SLC9D1: variants seen among roughly 807,000 people sequenced by gnomAD.
SLC9D1 encodes the protein putative LAG1-interacting protein.
the SLC9D1 span, chr13:113,510,087 G>A: frequency 2.9e-6 from 2 of 693,100 alleles, no homozygotes; most frequent in African/African-American, 3.5e-5. Flanking sequence ...CCTGTGTGAG[G>A]ATTCACCATG....
the SLC9D1 span, among the ~76,000 whole-genome samples, chr13:113,521,099 G>T: frequency 2.6e-5 from 4 of 152,130 alleles, no homozygotes; most frequent in African/African-American, 7.2e-5. Context: ...ATGTGTATGT[G>T]TGCACGGGGA....
chr13:113,537,572 G>A, the SLC9D1 span, among the ~76,000 whole-genome samples: 1 of 152,182 alleles, frequency 6.6e-6, no homozygotes, highest in Non-Finnish European at 1.5e-5. Context: ...CTCTCTTAAC[G>A]GTGTCTTTTG....
At chr13:113,534,040 C>G in the SLC9D1 span, 1 of 1,578,432 alleles carries the variant, frequency 6.3e-7, no homozygotes, top group Non-Finnish European at 8.6e-7. Context: ...TTTTTTCTTT[C>G]CCAGCATTGT....
chr13:113,537,697 A>C, the SLC9D1 span, among the ~76,000 whole-genome samples: 1 of 152,078 alleles, frequency 6.6e-6, no homozygotes, highest in South Asian at 2.1e-4. Context: ...GATGCTCTTT[A>C]CTGTTGTCAG....
At chr13:113,537,454 C>T in the SLC9D1 span, among the ~76,000 whole-genome samples, 2 of 152,246 alleles carry the variant, frequency 1.3e-5, no homozygotes, top group African/African-American at 4.8e-5. Context: ...CTGGCCGCGT[C>T]GCCGTGCGCA....
chr13:113,529,794 A>G, the SLC9D1 span: 2 of 152,206 alleles, frequency 1.3e-5, no homozygotes, highest in Admixed American at 6.5e-5. Context: ...CCACATTCAG[A>G]CTGATACACG....
chr13:113,499,935 G>A, the SLC9D1 span: 4 of 1,368,028 alleles, frequency 2.9e-6, no homozygotes, highest in South Asian at 4.1e-5. Flanking sequence ...GATTTTAATT[G>A]CATAATATTA....
chr13:113,498,642 A>C, the SLC9D1 span: 1 of 749,344 alleles, frequency 1.3e-6, no homozygotes, highest in Non-Finnish European at 2.1e-6. Flanking sequence ...ACAAACTAAA[A>C]TGCTTCTCTG....
the SLC9D1 span, among the ~76,000 whole-genome samples, chr13:113,526,744 C>T: frequency 8.5e-5 from 13 of 152,148 alleles, no homozygotes; most frequent in Non-Finnish European, 1.5e-4. Context: ...GAGTGTACAG[C>T]GCCTGTGGCG....
the SLC9D1 span, chr13:113,547,098 C>G: frequency 2.8e-5 from 16 of 570,664 alleles, no homozygotes; most frequent in Non-Finnish European, 4.7e-5. Flanking sequence ...TCAGACAGGT[C>G]ATCCCAGGGC....
At chr13:113,531,048 A>G in the SLC9D1 span, among the ~76,000 whole-genome samples, 1 of 152,174 alleles carries the variant, frequency 6.6e-6, no homozygotes, top group Non-Finnish European at 1.5e-5. Flanking sequence ...GGCCCACCAG[A>G]CAGCACCTGT....
At chr13:113,498,599 C>T in the SLC9D1 span, 25 of 1,170,998 alleles carry the variant, frequency 2.1e-5, no homozygotes, top group Middle Eastern at 1.9e-4. Context: ...AAATTGTTCA[C>T]GTGTATGTTT....
the SLC9D1 span, among the ~76,000 whole-genome samples, chr13:113,516,668 G>A: frequency 6.6e-6 from 1 of 152,136 alleles, no homozygotes; most frequent in Non-Finnish European, 1.5e-5. Context: ...CACAGCAGCG[G>A]CCTCAGTCAC....
chr13:113,549,684 CT>C, the SLC9D1 span: 2 of 953,642 alleles, frequency 2.1e-6, no homozygotes, highest in Non-Finnish European at 3.4e-6. Flanking sequence ...GTTATCCCGG[CT>C]TTTACAGAAT....
At chr13:113,495,384 C>T in the SLC9D1 span, 2 of 510,960 alleles carry the variant, frequency 3.9e-6, no homozygotes, top group East Asian at 3.0e-5. Flanking sequence ...TGATATTTAT[C>T]TAGGAAAAAT....
the SLC9D1 span, among the ~76,000 whole-genome samples, chr13:113,532,425 G>A: frequency 6.6e-6 from 1 of 151,864 alleles, no homozygotes; most frequent in Non-Finnish European, 1.5e-5. Context: ...CTGTGTGGGT[G>A]GGCTGGGGCA....
chr13:113,524,895 T>C, the SLC9D1 span, among the ~76,000 whole-genome samples: 1 of 150,938 alleles, frequency 6.6e-6, no homozygotes, highest in Admixed American at 6.6e-5. Context: ...AATATTGATA[T>C]GTTGCAACTT....
At chr13:113,492,739 A>C in the SLC9D1 span, among the ~76,000 whole-genome samples, 1 of 152,218 alleles carries the variant, frequency 6.6e-6, no homozygotes, top group Non-Finnish European at 1.5e-5. Context: ...CTCTACTAAA[A>C]ATACAAAAAT....
chr13:113,499,614 T>C, the SLC9D1 span, among the ~76,000 whole-genome samples: 3 of 152,068 alleles, frequency 2.0e-5, no homozygotes, highest in African/African-American at 7.3e-5. Flanking sequence ...AAAGGTTGGG[T>C]AATAAAAACA....
Sources: allele counts gnomAD v4.1 joint callset (sites outside exome capture counted in the v4.1 genomes callset), GRCh38; gene constraint gnomAD v4.1.1; transcripts MANE v1.5; gene names NCBI Gene and HGNC (gene_info 2026-07-23, HGNC 2026-07-21).